The following DNALI1 variants were observed in gnomAD, a reference collection of about 807,000 sequenced individuals.
The protein encoded by DNALI1 is dynein axonemal light intermediate chain 1, also known as axonemal dynein light intermediate polypeptide 1.
Under a neutral mutation model 33.9 loss-of-function variants are expected in DNALI1, and 31 were observed. That is an observed-to-expected ratio of 0.91 (90% confidence interval 0.69 to 1.23). The LOEUF (loss-of-function observed/expected upper bound fraction) is 1.23. DNALI1 is among the 50% of genes most tolerant of loss of function. The pLI is 0.00. For synonymous variants in DNALI1, 117 were observed against 129.2 expected (o/e 0.91, Z 0.64); for missense variants, 305 against 323.8 (o/e 0.94, Z 0.44).
chr1:37,561,648 C>G lies in DNALI1; in HGVS notation c.489C>G (p.Ala163=). The part of the protein sequence containing the change: ...VRDEIRMTIA[A]YQTLYESSVA... ...ACGAGATCCGCATGACCATCGCTGCCTACCAGACCCTGTACGAGAGCAGCG... is the reference window on the plus strand; with the variant it reads ...ACGAGATCCGCATGACCATCGCTGCGTACCAGACCCTGTACGAGAGCAGCG... The change falls in exon 4 of 6, where the codon GCC becomes GCG. Residue 163 remains alanine (A), a synonymous_variant. Transcript: ENST00000652629. This position sits in a 1 kb window ranked among gnomAD's most constrained non-coding sequence, Gnocchi z 4.6. 6.2e-7 allele frequency: 1 copy of G among 1,614,096 alleles called. No homozygotes were observed. Among genetic ancestry groups the G allele is most frequent in the African/African-American group, 1.3e-5 (1 of 75,044 alleles).
chr1:37,556,970 C>T lies in DNALI1; in HGVS notation c.-25C>T. The T allele has an allele frequency of 6.2e-7, 1 of 1,614,254 alleles. No homozygotes were observed. The highest frequency in any genetic ancestry group is 8.5e-7 in the Non-Finnish European group (1 of 1,180,046). On this transcript the variant is annotated 5_prime_UTR_variant, in exon 1 of 6. Transcript: ENST00000652629. ...AGGCCCACACTGGACAGGGCAGCTG[C>T]TGGGTTGCTACTCTCGCCTCCGCCA...
In DNALI1 at chr1:37,559,904, G is replaced by A. The variant is rs529132366; in HGVS notation, c.397+408G>A. 1.2e-3 allele frequency among the ~76,000 whole-genome samples: 181 copies of A among 152,338 alleles called. No individual in the cohort carries two copies. Among genetic ancestry groups the A allele is most frequent in the Non-Finnish European group, 2.3e-3 (156 of 68,036 alleles). On this transcript the variant is annotated intron_variant, in intron 3 of 5. Transcript: ENST00000652629. This position sits in a 1 kb window ranked among gnomAD's most constrained non-coding sequence, Gnocchi z 5.3. The stretch of plus-strand genomic sequence containing the variant: ...GAGGAATGTGGCAGGAGAGCAGGGT[G>A]ATAGTGGGGAGAAGATCAGCAAGAA...
At position 37,561,490 on chromosome 1, in the gene DNALI1, G is replaced by A; in HGVS notation, c.398-67G>A. The A allele has an allele frequency of 6.4e-7, 1 of 1,559,754 alleles. No homozygotes were observed. Among genetic ancestry groups the A allele is most frequent in the Non-Finnish European group, 8.7e-7 (1 of 1,146,220 alleles). ...GTCCTTCCCAAGAGGAAGGGTGTTT[G>A]CAGTAGACATACTGCAAGCCCCCTC... On this transcript the variant is annotated intron_variant, in intron 3 of 5. Coordinates refer to ENST00000652629, the MANE Select transcript of DNALI1 (RefSeq NM_003462.5). The surrounding 1 kb of genome is among the most constrained non-coding windows in gnomAD (Gnocchi z 4.6).
At chr1:37,558,004 T>A (rs192836072) in intron 2 of DNALI1, 276 of 453,148 alleles carry the variant, frequency 6.1e-4, no homozygotes, top group African/African-American at 5.1e-3. Flanking sequence ...CTCCCAAATG[T>A]GTATTTCCAG....
intron 2 of DNALI1, among the ~76,000 whole-genome samples, chr1:37,558,452 T>C (rs1260318843): frequency 6.6e-6 from 1 of 152,196 alleles, no homozygotes; most frequent in Non-Finnish European, 1.5e-5. Flanking sequence ...AGAAACTCTT[T>C]TGTGGCTTCC....
intron 1 of DNALI1, 132 bp from the exon 2 acceptor site, chr1:37,557,471 G>A (rs1643384907): frequency 3.9e-6 from 5 of 1,284,982 alleles, no homozygotes; most frequent in East Asian, 4.7e-5. Flanking sequence ...AATTTCTGCT[G>A]AGAAGACCGA....
Position 37,559,295 on chromosome 1 carries a change from G to T in DNALI1, c.228-32G>T, listed in dbSNP as rs371633648. The T allele has an allele frequency of 3.2e-6, 5 of 1,549,856 alleles. No individual in the cohort carries two copies. The African/African-American group carries it at 6.9e-5, about 21-fold the overall frequency. On this transcript the variant is annotated intron_variant, in intron 2 of 5. Transcript: ENST00000652629. This position sits in a 1 kb window ranked among gnomAD's most constrained non-coding sequence, Gnocchi z 5.3. ...TGTGCTAGGGACCTTCAAGTCAACG[G>T]GTTTTGCTCAGCCTCGCTGTGTCTG... is the stretch of plus-strand genomic sequence containing the variant.
chr1:37,565,078 A>T lies in DNALI1; in HGVS notation c.*17A>T. On this transcript the variant is annotated 3_prime_UTR_variant, in exon 6 of 6. Coordinates refer to ENST00000652629, the MANE Select transcript of DNALI1 (RefSeq NM_003462.5). Reference sequence around the variant, plus strand: ...AAGAAGTGATAATTTCCACATGATTAATTTCCAACAAGACACTTGGGAGTT... The same window carrying T: ...AAGAAGTGATAATTTCCACATGATTTATTTCCAACAAGACACTTGGGAGTT... The T allele has an allele frequency of 6.2e-7, 1 of 1,614,104 alleles. No homozygotes were observed.
Position 37,565,186 on chromosome 1 carries a change from T to TA in DNALI1, c.*127dup. On this transcript the variant is annotated 3_prime_UTR_variant, in exon 6 of 6. Transcript: ENST00000652629. ...GCTAGTTTCCTGAGTGAACAAGCCATAACCTCCCCTAAACACCACCTAGGT... is the reference window on the plus strand; with the variant it reads ...GCTAGTTTCCTGAGTGAACAAGCCATAAACCTCCCCTAAACACCACCTAGGT... The TA allele has an allele frequency of 9.7e-7, 1 of 1,031,206 alleles. No homozygotes were observed. The highest frequency in any genetic ancestry group is 1.5e-6 in the Non-Finnish European group (1 of 677,238). 63.9% of individuals were successfully genotyped at this position (1,031,206 alleles called of 1,614,324 possible). A position where few individuals can be genotyped will look rare whatever the true frequency, so the allele number is the denominator to read the frequency against.
rs1643508541 is a variant in DNALI1 at position 37,566,824 on chromosome 1, T to C, written c.*1763T>C. The C allele has an allele frequency of 1.2e-6, 2 of 1,601,734 alleles. No individual in the cohort carries two copies. Among genetic ancestry groups the C allele is most frequent in the Non-Finnish European group, 1.7e-6 (2 of 1,170,652 alleles). ...AAAACACAATTTCTAACTGCCTGTT[T>C]TTGTATAATTTAATAAAAACCTTTT... On this transcript the variant is annotated 3_prime_UTR_variant, in exon 6 of 6. Transcript: ENST00000652629.
At chr1:37,557,505 G>C in intron 1 of DNALI1, 98 bp from the exon 2 acceptor site, 3 of 1,476,034 alleles carry the variant, frequency 2.0e-6, no homozygotes, top group Non-Finnish European at 2.7e-6. Context: ...AGGAAGAGGG[G>C]AGGGCTGTGC....
Position 37,561,367 on chromosome 1 carries a change from G to A in DNALI1, c.398-190G>A, listed in dbSNP as rs2148122669. 1 of 640,272 alleles carries A rather than the reference G, an allele frequency of 1.6e-6. No homozygotes were observed. The highest frequency in any genetic ancestry group is 2.0e-5 in the South Asian group (1 of 49,192). The allele number at this position is 640,272 out of a possible 1,614,324, so 39.7% of individuals were successfully genotyped here. A position where few individuals can be genotyped will look rare whatever the true frequency, so the allele number is the denominator to read the frequency against. Reference sequence around the variant, plus strand: ...ACTCACAAGTGCCAAGTTCAGAGGAGTGACTGCATGGCAAGGCTCTTTGGG... The same window carrying A: ...ACTCACAAGTGCCAAGTTCAGAGGAATGACTGCATGGCAAGGCTCTTTGGG... On this transcript the variant is annotated intron_variant, in intron 3 of 5. Transcript: ENST00000652629. This position sits in a 1 kb window ranked among gnomAD's most constrained non-coding sequence, Gnocchi z 4.6.
At position 37,561,624 on chromosome 1, in the gene DNALI1, C is replaced by T. The variant is rs774148914; in HGVS notation, c.465C>T (p.Asp155=). 8.1e-6 allele frequency: 13 copies of T among 1,613,696 alleles called. No individual in the cohort carries two copies. Among genetic ancestry groups the T allele is most frequent in the Admixed American group, 5.0e-5 (3 of 59,958 alleles). The change falls in exon 4 of 6, where the codon GAC becomes GAT. Residue 155 remains aspartate, a synonymous_variant. Transcript: ENST00000652629. This position sits in a 1 kb window ranked among gnomAD's most constrained non-coding sequence, Gnocchi z 4.6. ...ERGLLLLRVR[D]EIRMTIAAYQ... ...GGCTGCTGCTGCTGCGAGTCCGGGACGAGATCCGCATGACCATCGCTGCCT... is the reference window on the plus strand; with the variant it reads ...GGCTGCTGCTGCTGCGAGTCCGGGATGAGATCCGCATGACCATCGCTGCCT...
In DNALI1 at chr1:37,562,093, G is replaced by T. The variant is rs779188426; in HGVS notation, c.589G>T (p.Glu197Ter). The change falls in exon 5 of 6, where the codon GAG becomes TAG. Residue 197 changes from glutamate (E) to a stop codon, truncating the protein, a stop_gained. Transcript: ENST00000652629. LOFTEE classifies it high-confidence loss of function. This position sits in a 1 kb window ranked among gnomAD's most constrained non-coding sequence, Gnocchi z 5.8. ...SDMERKIAEL[E>*]TEKRDLERQV... Reference sequence around the variant, plus strand: ...ATTCTCTCCTCAGATCGCAGAATTGGAGACGGAAAAGAGAGACCTGGAGAG... The same window carrying T: ...ATTCTCTCCTCAGATCGCAGAATTGTAGACGGAAAAGAGAGACCTGGAGAG... The T allele has an allele frequency of 6.2e-7, 1 of 1,613,992 alleles. No individual in the cohort carries two copies. The highest frequency in any genetic ancestry group is 1.1e-5 in the South Asian group (1 of 91,074).
At chr1:37,557,507 G>T in intron 1 of DNALI1, 96 bp from the exon 2 acceptor site, 1 of 1,480,744 alleles carries the variant, frequency 6.8e-7, no homozygotes, top group Non-Finnish European at 9.1e-7. Context: ...GAAGAGGGGA[G>T]GGCTGTGCAG....
chr1:37,557,158 T>C, intron 1 of DNALI1, 83 bp downstream of exon 1: 5 of 1,595,738 alleles, frequency 3.1e-6, no homozygotes, highest in Non-Finnish European at 4.3e-6. Flanking sequence ...GTCAGGAATC[T>C]CAAGGGACGG....
Position 37,562,329 on chromosome 1 carries a change from G to A in DNALI1, c.741+84G>A, listed in dbSNP as rs1258655542. On this transcript the variant is annotated intron_variant, in intron 5 of 5. Coordinates refer to ENST00000652629, the MANE Select transcript of DNALI1 (RefSeq NM_003462.5). This position sits in a 1 kb window ranked among gnomAD's most constrained non-coding sequence, Gnocchi z 5.8. ...GCCAGGCATTCGGTTCCTTTTCCATGGCTTTTAAATGTTTGTCCACATGCA... is the reference window on the plus strand; with the variant it reads ...GCCAGGCATTCGGTTCCTTTTCCATAGCTTTTAAATGTTTGTCCACATGCA... The A allele has an allele frequency of 6.6e-7, 1 of 1,505,540 alleles. No homozygotes were observed. Among genetic ancestry groups the A allele is most frequent in the Non-Finnish European group, 8.9e-7 (1 of 1,121,618 alleles). The allele number at this position is 1,505,540 out of a possible 1,614,324, so 93.3% of individuals were successfully genotyped here. A position where few individuals can be genotyped will look rare whatever the true frequency, so the allele number is the denominator to read the frequency against.
chr1:37,561,959 G>A lies in DNALI1; in HGVS notation c.577-122G>A. 1.3e-6 allele frequency: 2 copies of A among 1,482,428 alleles called. No individual in the cohort carries two copies. The highest frequency in any genetic ancestry group is 1.8e-6 in the Non-Finnish European group (2 of 1,090,472). The allele number at this position is 1,482,428 out of a possible 1,614,324, so 91.8% of individuals were successfully genotyped here. On this transcript the variant is annotated intron_variant, in intron 4 of 5. Coordinates refer to ENST00000652629, the MANE Select transcript of DNALI1 (RefSeq NM_003462.5). This position sits in a 1 kb window ranked among gnomAD's most constrained non-coding sequence, Gnocchi z 4.6. ...CTGTAGACGCTCCATGCCAGGCACT[G>A]ACCTCCCACTGGGTGGCAGTATATA...
chr1:37,558,088 A>G (rs777196160), intron 2 of DNALI1: 12 of 233,044 alleles, frequency 5.1e-5, no homozygotes, highest in Non-Finnish European at 9.0e-5. Context: ...GATATCTAAT[A>G]GACATCTCAA....
Sources: allele counts gnomAD v4.1 joint callset (sites outside exome capture counted in the v4.1 genomes callset), GRCh38; gene constraint gnomAD v4.1.1; non-coding constraint Gnocchi (gnomAD v3.1); transcripts MANE v1.5; gene names NCBI Gene and HGNC (gene_info 2026-07-23, HGNC 2026-07-21).